Variants in MBNL2 observed in about 807,000 individuals in gnomAD.
MBNL2 encodes muscleblind-like protein 2.
Under a neutral mutation model 41.9 loss-of-function variants are expected in MBNL2, and 17 were observed. That is an observed-to-expected ratio of 0.41 (90% CI 0.28 to 0.61). MBNL2 has a LOEUF of 0.61. Ranked by LOEUF, MBNL2 falls within the 20% of genes least tolerant of loss-of-function variation. The pLI, the probability that MBNL2 is intolerant of heterozygous loss-of-function variation, is 0.35. For missense variants in MBNL2, 336 were observed against 505.6 expected (o/e 0.66, Z 3.22); for synonymous variants, 195 against 182.9 (o/e 1.07, Z -0.53).
At chr13:97,204,859 A>C in the MBNL2 span, among the ~76,000 whole-genome samples, 2 of 152,062 alleles carry the variant, frequency 1.3e-5, no homozygotes, top group African/African-American at 2.4e-5. Flanking sequence ...AAATCACCTG[A>C]GGTCAGGAGT....
At chr13:97,180,802 C>T in the MBNL2 span, among the ~76,000 whole-genome samples, 979 of 144,436 alleles carry the variant, frequency 6.8e-3, 10 homozygotes, top group African/African-American at 0.024. Flanking sequence ...CACTGCTATA[C>T]AAAATTGAAA....
the MBNL2 span, among the ~76,000 whole-genome samples, chr13:97,182,901 G>C: frequency 6.6e-6 from 1 of 152,146 alleles, no homozygotes; most frequent in Non-Finnish European, 1.5e-5. Context: ...GAAAGGGGAA[G>C]AATAAATGCT....
the MBNL2 span, among the ~76,000 whole-genome samples, chr13:97,161,681 C>T: frequency 6.6e-6 from 1 of 152,142 alleles, no homozygotes; most frequent in African/African-American, 2.4e-5. Flanking sequence ...TCTAGATGAT[C>T]ATGAATTATA....
At chr13:97,238,408 G>C (rs556942445) in intron 1 of MBNL2, among the ~76,000 whole-genome samples, 1 of 152,198 alleles carries the variant, frequency 6.6e-6, no homozygotes, top group African/African-American at 2.4e-5. Flanking sequence ...CAGGTGTATG[G>C]GCCTCATAAC....
chr13:97,377,703 T>C (rs1302996827), intron 8 of MBNL2, among the ~76,000 whole-genome samples: 2 of 152,242 alleles, frequency 1.3e-5, no homozygotes, highest in Non-Finnish European at 2.9e-5. Context: ...CGATTCCTAT[T>C]GTTCATATTC....
intron 3 of MBNL2, among the ~76,000 whole-genome samples, chr13:97,339,507 T>C (rs2061248994): frequency 6.6e-6 from 1 of 152,140 alleles, no homozygotes; most frequent in African/African-American, 2.4e-5. Context: ...GTGGACCAAA[T>C]GGATCCTGTC....
rs112648861 is a variant in MBNL2 at position 97,370,467 on chromosome 13, C to T, written c.1048+5296C>T. On this transcript the variant is annotated intron_variant, in intron 8 of 8. Transcript: ENST00000679496. Reference sequence around the variant, plus strand: ...GGCAGATCACCTGAGGTTGGGAGTTCGAGACCAACCTGACCAATGTGGAGA... The same window carrying T: ...GGCAGATCACCTGAGGTTGGGAGTTTGAGACCAACCTGACCAATGTGGAGA... Among the ~76,000 whole-genome samples, 972 of 152,052 alleles carry T rather than the reference C, an allele frequency of 6.4e-3. 13 individuals carry two copies. Among genetic ancestry groups the T allele is most frequent in the African/African-American group, 0.022 (930 of 41,464 alleles).
chr13:97,156,248 G>T, the MBNL2 span, among the ~76,000 whole-genome samples: 1 of 128,432 alleles, frequency 7.8e-6, no homozygotes, highest in Non-Finnish European at 1.6e-5. Context: ...GGGGTTGTTT[G>T]TTTTTTTCTT....
chr13:97,295,455 C>T (rs532690588), intron 2 of MBNL2, among the ~76,000 whole-genome samples: 2 of 152,232 alleles, frequency 1.3e-5, no homozygotes, highest in East Asian at 3.9e-4. Flanking sequence ...GCCTAGCAAC[C>T]ATTATGTATC....
At chr13:97,172,156 C>T in the MBNL2 span, among the ~76,000 whole-genome samples, 19 of 152,108 alleles carry the variant, frequency 1.2e-4, no homozygotes, top group African/African-American at 2.9e-4. Context: ...ACCAGGATCA[C>T]GGGCAGTGGA....
At chr13:97,236,247 C>T (rs2043251955) in intron 1 of MBNL2, among the ~76,000 whole-genome samples, 3 of 152,182 alleles carry the variant, frequency 2.0e-5, no homozygotes, top group African/African-American at 7.2e-5. Flanking sequence ...TATTTTCCCC[C>T]TGCTTTGAAG....
chr13:97,285,925 C>T (rs1046338323), intron 2 of MBNL2, among the ~76,000 whole-genome samples: 3 of 152,150 alleles, frequency 2.0e-5, no homozygotes, highest in Admixed American at 6.5e-5. Context: ...AGACTTAGTC[C>T]TTGAACATCT....
chr13:97,315,842 ACTCGTGGGTGAGGATGTGGAAGGCCTTG>A (rs1478609004), intron 2 of MBNL2, among the ~76,000 whole-genome samples: 118 of 150,364 alleles, frequency 7.8e-4, no homozygotes, highest in African/African-American at 2.7e-3. Flanking sequence ...GGAAGGCCTT[ACTCGTGGGTGAGGATGTGGAAGGCCTTG>A]CTCGTGGGTG....
At chr13:97,363,418 C>CTGTG (rs55745808) in intron 7 of MBNL2, among the ~76,000 whole-genome samples, 18,751 of 136,306 alleles carry the variant, frequency 0.14, 1,277 homozygotes, top group East Asian at 0.17. Flanking sequence ...GAAAGAAAAA[C>CTGTG]TGTGTGTGTG....
chr13:97,282,191 G>A (rs1013574054), intron 2 of MBNL2, among the ~76,000 whole-genome samples: 5 of 151,896 alleles, frequency 3.3e-5, no homozygotes, highest in African/African-American at 1.2e-4. Context: ...CATCTCTACA[G>A]ATAAATTTTA....
intron 2 of MBNL2, among the ~76,000 whole-genome samples, chr13:97,282,360 A>AAAAAT (rs2053605151): frequency 6.6e-6 from 1 of 152,210 alleles, no homozygotes; most frequent in African/African-American, 2.4e-5. Context: ...ATCTCAAGAA[A>AAAAAT]AAAATAAATA....
At chr13:97,228,355 T>C (rs1308972973) in intron 1 of MBNL2, among the ~76,000 whole-genome samples, 1 of 151,952 alleles carries the variant, frequency 6.6e-6, no homozygotes, top group Admixed American at 6.6e-5. Flanking sequence ...GACATAAAAA[T>C]AATTCATTTG....
chr13:97,240,596 C>T (rs941620149), intron 1 of MBNL2, among the ~76,000 whole-genome samples: 6 of 152,132 alleles, frequency 3.9e-5, no homozygotes, highest in African/African-American at 1.2e-4. Flanking sequence ...TTCTTAAAGG[C>T]TTGATATCCC....
the MBNL2 span, among the ~76,000 whole-genome samples, chr13:97,198,174 G>A: frequency 1.3e-5 from 2 of 152,164 alleles, no homozygotes; most frequent in African/African-American, 2.4e-5. Context: ...GATGAGACTG[G>A]ATGAGATTCA....
Sources: allele counts gnomAD v4.1 joint callset (sites outside exome capture counted in the v4.1 genomes callset), GRCh38; gene constraint gnomAD v4.1.1; transcripts MANE v1.5; gene names NCBI Gene and HGNC (gene_info 2026-07-23, HGNC 2026-07-21).